ABCF3: variants seen among roughly 807,000 people sequenced by gnomAD.
The protein encoded by ABCF3 is ATP-binding cassette sub-family F member 3.
A neutral mutation model predicts 94.3 loss-of-function variants in ABCF3; 62 were observed. That is an observed-to-expected ratio of 0.66 (90% CI 0.54 to 0.81). The LOEUF (loss-of-function observed/expected upper bound fraction) is 0.81. Ranked by LOEUF, ABCF3 falls within the 40% of genes least tolerant of loss-of-function variation. ABCF3 has a pLI of 0.00. For missense variants in ABCF3, 843 were observed against 925.3 expected, an observed-to-expected ratio of 0.91 and a Z score of 1.15; for synonymous variants, 355 against 361.1, an observed-to-expected ratio of 0.98 and a Z score of 0.19.
At chr3:184,188,447 C>A in intron 7 of ABCF3, 40 bp downstream of exon 7, 1 of 1,579,782 alleles carries the variant, frequency 6.3e-7, no homozygotes, top group South Asian at 1.1e-5. Context: ...CAGCCGCTGT[C>A]GCTTACAGAG....
rs1385816450 is a variant in ABCF3 at position 184,188,312 on chromosome 3, C to T, written c.741C>T (p.Asp247=). The change falls in exon 7 of 21, where the codon GAC becomes GAT. Residue 247 remains aspartate, a synonymous_variant. Transcript: ENST00000429586. The part of the protein sequence containing the change: ...LHVEQEVAGD[D]TPALQSVLES... ...TTGAGCAAGAGGTTGCTGGAGATGA[C>T]ACTCCTGCCCTGCAGAGTGTGCTGG... is the stretch of plus-strand genomic sequence containing the variant. 6.2e-7 allele frequency: 1 copy of T among 1,614,004 alleles called. No homozygotes were observed. Among genetic ancestry groups the T allele is most frequent in the Non-Finnish European group, 8.5e-7 (1 of 1,180,052 alleles).
At chr3:184,192,717 A>G (rs370210692) in intron 17 of ABCF3, 28 bp downstream of exon 17, 22 of 1,609,642 alleles carry the variant, frequency 1.4e-5, no homozygotes, top group Non-Finnish European at 1.7e-5. Context: ...CCCTGCCCCC[A>G]TGAGCACATT....
intron 16 of ABCF3, 71 bp from the exon 17 acceptor site, chr3:184,192,530 C>T: frequency 1.4e-6 from 2 of 1,395,472 alleles, no homozygotes; most frequent in Non-Finnish European, 2.0e-6. Flanking sequence ...TTTTAGTGCC[C>T]ACATATGAAT....
At chr3:184,190,011 C>T in intron 14 of ABCF3, 80 bp downstream of exon 14, 1 of 1,469,808 alleles carries the variant, frequency 6.8e-7, no homozygotes, top group Admixed American at 1.8e-5. Flanking sequence ...CCTTGCCCTA[C>T]CATTCTAGGT....
intron 11 of ABCF3, 55 bp from the exon 12 acceptor site, chr3:184,189,333 A>G (rs1030574511): frequency 3.7e-6 from 6 of 1,614,000 alleles, no homozygotes; most frequent in South Asian, 2.2e-5. Flanking sequence ...GTAGCATCCA[A>G]GTTCCTAGTT....
In ABCF3 at chr3:184,186,238, G is replaced by A; in HGVS notation, c.31G>A (p.Glu11Lys). The A allele has an allele frequency of 6.2e-7, 1 of 1,614,224 alleles. No individual in the cohort carries two copies. Among genetic ancestry groups the A allele is most frequent in the Non-Finnish European group, 8.5e-7 (1 of 1,180,046 alleles). Reference sequence around the variant, plus strand: ...GACTTGCGCCGAAATCCTGCGGAGCGAGTTCCCCGAAATTGACGGACAAGT... The same window carrying A: ...GACTTGCGCCGAAATCCTGCGGAGCAAGTTCCCCGAAATTGACGGACAAGT... MATCAEILRS[E>K]FPEIDGQVFD... Residue 11 changes from glutamate (E) to lysine (K), a missense_variant, in exon 1 of 21, where the codon GAG (glutamate) becomes AAG (lysine). Physicochemically the swap from Glu to Lys is moderately conservative, Grantham distance 56. Transcript: ENST00000429586.
At position 184,193,480 on chromosome 3, in the gene ABCF3, C is replaced by T. The variant is rs752203070; in HGVS notation, c.1971+28C>T. The T allele has an allele frequency of 1.2e-6, 2 of 1,614,140 alleles. No individual in the cohort carries two copies. Among genetic ancestry groups the T allele is most frequent in the South Asian group, 1.1e-5 (1 of 91,090 alleles). On this transcript the variant is annotated intron_variant, in intron 20 of 20. Coordinates refer to ENST00000429586, the MANE Select transcript of ABCF3 (RefSeq NM_018358.3). The surrounding 1 kb of genome is among the most constrained non-coding windows in gnomAD (Gnocchi z 5.2). ...GAGTGTGCCTTCACCCTGACCACTC[C>T]TCCCAGGCCTCGGTGCCTCTTGTGT...
chr3:184,193,090 G>T lies in ABCF3; in HGVS notation c.1751-12G>T, dbSNP rs1021520037. The T allele has an allele frequency of 2.6e-6, 4 of 1,535,124 alleles. No homozygotes were observed. The highest frequency in any genetic ancestry group is 3.5e-6 in the Non-Finnish European group (4 of 1,142,532). Reference sequence around the variant, plus strand: ...GCCAAGAAGCCACCTGATCTGGGGAGTCCTTTTCCAGGGCGGCCTGAGGAG... The same window carrying T: ...GCCAAGAAGCCACCTGATCTGGGGATTCCTTTTCCAGGGCGGCCTGAGGAG... On this transcript the variant is annotated splice_polypyrimidine_tract_variant and intron_variant, in intron 18 of 20. Transcript: ENST00000429586. This position sits in a 1 kb window ranked among gnomAD's most constrained non-coding sequence, Gnocchi z 5.2.
Position 184,193,065 on chromosome 3 carries a change from G to T in ABCF3, c.1751-37G>T. On this transcript the variant is annotated intron_variant, in intron 18 of 20. Transcript: ENST00000429586. This position sits in a 1 kb window ranked among gnomAD's most constrained non-coding sequence, Gnocchi z 5.2. Reference sequence around the variant, plus strand: ...CTGGAGGGCACAGGGAGGGTGTTGGGCCAAGAAGCCACCTGATCTGGGGAG... The same window carrying T: ...CTGGAGGGCACAGGGAGGGTGTTGGTCCAAGAAGCCACCTGATCTGGGGAG... The T allele has an allele frequency of 1.1e-5, 17 of 1,535,510 alleles. No homozygotes were observed. The highest frequency in any genetic ancestry group is 1.4e-5 in the Non-Finnish European group (16 of 1,142,012).
chr3:184,191,396 C>T, intron 16 of ABCF3, 141 bp downstream of exon 16: 1 of 1,235,172 alleles, frequency 8.1e-7, no homozygotes, highest in South Asian at 1.3e-5. Context: ...TTTTGCAGGA[C>T]TTACACTAGC....
chr3:184,187,025 C>A, intron 3 of ABCF3, 150 bp downstream of exon 3: 1 of 813,900 alleles, frequency 1.2e-6, no homozygotes. Context: ...CAGAAGAGCC[C>A]ATGATGGGGG....
At position 184,187,864 on chromosome 3, in the gene ABCF3, C is replaced by T; in HGVS notation, c.450C>T (p.Val150=). ...CTGTCCATTTCTCCCTTTAAAGAGTCTTAGAAGAGGCATCAGCCAGCCAGG... is the reference window on the plus strand; with the variant it reads ...CTGTCCATTTCTCCCTTTAAAGAGTTTTAGAAGAGGCATCAGCCAGCCAGG... ...KDTLKTSNPL[V]LEEASASQAG... Residue 150 remains valine (V), a synonymous_variant, in exon 6 of 21, where the codon GTC becomes GTT. Transcript: ENST00000429586. The T allele has an allele frequency of 1.9e-6, 3 of 1,614,094 alleles. No individual in the cohort carries two copies. Among genetic ancestry groups the T allele is most frequent in the South Asian group, 1.1e-5 (1 of 91,082 alleles).
In ABCF3 at chr3:184,193,285, C is replaced by T. The variant is rs1227940252; in HGVS notation, c.1883+51C>T. On this transcript the variant is annotated intron_variant, in intron 19 of 20. Transcript: ENST00000429586. This position sits in a 1 kb window ranked among gnomAD's most constrained non-coding sequence, Gnocchi z 5.2. ...TCCCCTCCCATTTCCCCTTCTTGCC[C>T]AGTAGAAAACTGTATCAGAAGGCTT... 1 of 1,604,624 alleles carries T rather than the reference C, an allele frequency of 6.2e-7. No homozygotes were observed. Among genetic ancestry groups the T allele is most frequent in the Non-Finnish European group, 8.5e-7 (1 of 1,174,888 alleles).
In ABCF3 at chr3:184,193,370, A is replaced by C; in HGVS notation, c.1889A>C (p.Asn630Thr). 2 of 1,613,926 alleles carry C rather than the reference A, an allele frequency of 1.2e-6. No individual in the cohort carries two copies. The highest frequency in any genetic ancestry group is 1.7e-6 in the Non-Finnish European group (2 of 1,179,976). The change falls in exon 20 of 21, where the codon AAC becomes ACC. Residue 630 changes from asparagine to threonine, a missense_variant. Physicochemically the swap from Asn to Thr is moderately conservative, Grantham distance 65. Coordinates refer to ENST00000429586, the MANE Select transcript of ABCF3 (RefSeq NM_018358.3). This position sits in a 1 kb window ranked among gnomAD's most constrained non-coding sequence, Gnocchi z 5.2. The part of the protein sequence containing the change: ...AFAQMTMPCP[N>T]FYILDEPTNH... The stretch of plus-strand genomic sequence containing the variant: ...TTCCTGGTTCTGCCTTCCAGCCCCA[A>C]CTTCTACATTCTGGATGAACCCACA...
Position 184,188,136 on chromosome 3 carries a change from T to C in ABCF3, c.570-5T>C, listed in dbSNP as rs778305777. On this transcript the variant is annotated splice_region_variant and splice_polypyrimidine_tract_variant and intron_variant, in intron 6 of 20. Transcript: ENST00000429586. The stretch of plus-strand genomic sequence containing the variant: ...ATCTTTGGTCTCCTTTCTCCACTCC[T>C]GCAGAGTACTGCTGGCTGGAGCGGA... 1 of 1,613,260 alleles carries C rather than the reference T, an allele frequency of 6.2e-7. No homozygotes were observed. Among genetic ancestry groups the C allele is most frequent in the African/African-American group, 1.3e-5 (1 of 75,056 alleles).
At chr3:184,186,484 T>C (rs774550638) in intron 1 of ABCF3, 23 bp from the exon 2 acceptor site, 1 of 1,599,536 alleles carries the variant, frequency 6.3e-7, no homozygotes, top group South Asian at 1.1e-5. Flanking sequence ...GATACCTTCC[T>C]CGTTCTACCA....
At chr3:184,189,306 T>G (rs754861764) in intron 11 of ABCF3, 29 bp downstream of exon 11, 2 of 1,614,064 alleles carry the variant, frequency 1.2e-6, no homozygotes, top group Non-Finnish European at 1.7e-6. Context: ...ACCCTGACTT[T>G]AGGATGGGCA....
intron 14 of ABCF3, chr3:184,190,132 C>T (rs975076717): frequency 1.7e-5 from 10 of 604,344 alleles, no homozygotes; most frequent in African/African-American, 9.3e-5. Context: ...CACTAATTTA[C>T]TTTCTGTTTC....
Position 184,193,860 on chromosome 3 carries a change from T to G in ABCF3, c.*162T>G. ...GACTGGAGCATCTTCTGCACAACCT[T>G]GGGAGCCCATCCAAGGGTTGGTGAG... On this transcript the variant is annotated 3_prime_UTR_variant, in exon 21 of 21. Transcript: ENST00000429586. This position sits in a 1 kb window ranked among gnomAD's most constrained non-coding sequence, Gnocchi z 5.2. The G allele has an allele frequency of 3.2e-6, 3 of 950,254 alleles. No homozygotes were observed. The highest frequency in any genetic ancestry group is 2.8e-5 in the East Asian group (1 of 35,588). The allele number at this position is 950,254 out of a possible 1,614,324, so 58.9% of individuals were successfully genotyped here. A position where few individuals can be genotyped will look rare whatever the true frequency, so the allele number is the denominator to read the frequency against.
Sources: gnomAD v4.1 joint callset for allele counts on GRCh38, gnomAD v4.1.1 for gene constraint, Gnocchi (gnomAD v3.1) non-coding constraint, MANE v1.5 for transcripts, NCBI Gene and HGNC (gene_info 2026-07-23, HGNC 2026-07-21) for gene names.